SLC15A1: variants seen among roughly 807,000 people sequenced by gnomAD.
SLC15A1 encodes the protein solute carrier family 15 member 1.
In SLC15A1, 83 loss-of-function variants were observed where a neutral mutation model predicts 92.9. The ratio of observed to expected loss-of-function variants is 0.89; its 90% confidence interval spans 0.75 to 1.07. The LOEUF is 1.07. Ranked by LOEUF, SLC15A1 falls within the 50% of genes least tolerant of loss-of-function variation. The pLI is 0.00. For missense variants in SLC15A1, 857 were observed against 880.1 expected (o/e 0.97, Z 0.33); for synonymous variants, 322 against 318.2 (o/e 1.01, Z -0.13).
chr13:98,737,244 C>G (rs867705966), intron 1 of SLC15A1, among the ~76,000 whole-genome samples: 6 of 152,160 alleles, frequency 3.9e-5, no homozygotes, highest in Non-Finnish European at 8.8e-5. Flanking sequence ...GTCGCAAGGA[C>G]AGAAAACCAA....
chr13:98,740,394 T>C (rs2088434834), intron 1 of SLC15A1, among the ~76,000 whole-genome samples: 1 of 152,130 alleles, frequency 6.6e-6, no homozygotes, highest in East Asian at 1.9e-4. Context: ...TGCTCTCTCC[T>C]TCCTGCAGGT....
intron 6 of SLC15A1, 102 bp from the exon 7 acceptor site, chr13:98,721,687 C>G: frequency 7.7e-7 from 1 of 1,299,554 alleles, no homozygotes; most frequent in Non-Finnish European, 1.1e-6. Flanking sequence ...TGGTTGGTAT[C>G]TTACTTTCTA....
At chr13:98,719,175 A>G (rs1211870812) in intron 8 of SLC15A1, 62 bp downstream of exon 8, 6 of 1,203,990 alleles carry the variant, frequency 5.0e-6, no homozygotes, top group South Asian at 2.7e-5. Flanking sequence ...ATTAGTCACA[A>G]TCATTCACGT....
intron 18 of SLC15A1, among the ~76,000 whole-genome samples, chr13:98,692,979 T>C (rs1358752977): frequency 1.3e-5 from 2 of 151,440 alleles, no homozygotes; most frequent in East Asian, 3.9e-4. Flanking sequence ...GTTCAAGCAC[T>C]CAGCCCACCT....
chr13:98,719,793 T>C (rs1034944925), intron 7 of SLC15A1, among the ~76,000 whole-genome samples: 1 of 152,160 alleles, frequency 6.6e-6, no homozygotes, highest in African/African-American at 2.4e-5. Context: ...TTGTGAACCA[T>C]TGGTCTCTGT....
At chr13:98,724,766 C>A (rs2088286102) in intron 4 of SLC15A1, among the ~76,000 whole-genome samples, 1 of 152,196 alleles carries the variant, frequency 6.6e-6, no homozygotes, top group Non-Finnish European at 1.5e-5. Flanking sequence ...AGCCACCGCA[C>A]CCAGCCTATA....
chr13:98,742,315 T>C (rs1396400086), intron 1 of SLC15A1, among the ~76,000 whole-genome samples: 1 of 152,204 alleles, frequency 6.6e-6, no homozygotes, highest in Non-Finnish European at 1.5e-5. Context: ...ACAGGGCTGC[T>C]TTTCCCGCCT....
At chr13:98,685,788 C>T (rs1448167155) in intron 22 of SLC15A1, among the ~76,000 whole-genome samples, 1 of 152,086 alleles carries the variant, frequency 6.6e-6, no homozygotes, top group Non-Finnish European at 1.5e-5. Context: ...GAGATCGAGA[C>T]CATCCTGGCC....
At chr13:98,712,015 T>C (rs2088167755) in intron 10 of SLC15A1, 72 bp from the exon 11 acceptor site, 1 of 1,133,264 alleles carries the variant, frequency 8.8e-7, no homozygotes, top group African/African-American at 1.5e-5. Context: ...TTACAGGTGC[T>C]GCTGATTTCA....
intron 18 of SLC15A1, among the ~76,000 whole-genome samples, chr13:98,699,801 T>C (rs1376888317): frequency 3.3e-5 from 5 of 152,352 alleles, no homozygotes; most frequent in South Asian, 2.1e-4. Context: ...AAAACAATTA[T>C]TACAGCCACC....
In SLC15A1 at chr13:98,726,194, C is replaced by T. The variant is rs370610278; in HGVS notation, c.174G>A (p.Thr58=). The T allele has an allele frequency of 4.3e-6, 7 of 1,614,020 alleles. No individual in the cohort carries two copies. Among genetic ancestry groups the T allele is most frequent in the South Asian group, 3.3e-5 (3 of 91,052 alleles). The change falls in exon 4 of 23, where the codon ACG becomes ACA. Residue 58 remains threonine (T), a synonymous_variant. Coordinates refer to ENST00000376503, the MANE Select transcript of SLC15A1 (RefSeq NM_005073.4). The part of the protein sequence containing the change: ...DDNLSTAIYH[T]FVALCYLTPI... ...GCGTCAGGTAGCACAGAGCCACAAA[C>T]GTATGGTAGATGGCGGTGGACAGGT...
At chr13:98,731,593 G>T (rs1425696552) in intron 1 of SLC15A1, among the ~76,000 whole-genome samples, 1 of 152,138 alleles carries the variant, frequency 6.6e-6, no homozygotes, top group Non-Finnish European at 1.5e-5. Context: ...AGCAGAGAGA[G>T]CCCGGGGCTT....
At chr13:98,721,025 G>A (rs2088253031) in intron 7 of SLC15A1, 3 of 420,722 alleles carry the variant, frequency 7.1e-6, no homozygotes, top group South Asian at 1.8e-5. Context: ...GCGCTCCAGC[G>A]TGGGTGACAG....
chr13:98,744,286 G>T (rs1252124436), intron 1 of SLC15A1, among the ~76,000 whole-genome samples: 2 of 147,650 alleles, frequency 1.4e-5, no homozygotes, highest in Non-Finnish European at 3.0e-5. Flanking sequence ...TGGTCTTTTG[G>T]AGGGTTGTTT....
chr13:98,713,200 G>C (rs912902405), intron 9 of SLC15A1, among the ~76,000 whole-genome samples: 3 of 152,082 alleles, frequency 2.0e-5, no homozygotes, highest in African/African-American at 7.2e-5. Flanking sequence ...GGGACCACGG[G>C]TATGTACCAC....
intron 18 of SLC15A1, among the ~76,000 whole-genome samples, chr13:98,696,495 A>G (rs1312203953): frequency 6.6e-6 from 1 of 152,160 alleles, no homozygotes; most frequent in African/African-American, 2.4e-5. Context: ...GGATCCCCCA[A>G]TATCAATTGC....
At chr13:98,726,795 T>A (rs371295319) in intron 2 of SLC15A1, 48 bp downstream of exon 2, 1 of 1,584,588 alleles carries the variant, frequency 6.3e-7, no homozygotes, top group Non-Finnish European at 8.7e-7. Context: ...AAACAGATGA[T>A]AAAATTTACA....
intron 18 of SLC15A1, among the ~76,000 whole-genome samples, chr13:98,689,584 T>C (rs561573111): frequency 1.4e-4 from 21 of 152,324 alleles, no homozygotes; most frequent in Middle Eastern, 3.4e-3. Context: ...TAGCTGGGAC[T>C]ACAGGTGTGT....
intron 3 of SLC15A1, 44 bp from the exon 4 acceptor site, chr13:98,726,308 G>C (rs1343484468): frequency 5.0e-6 from 8 of 1,613,064 alleles, no homozygotes; most frequent in African/African-American, 2.7e-5. Flanking sequence ...AACAAAGTTA[G>C]GACTGGTTAT....
Sources: gnomAD v4.1 joint callset for allele counts (sites outside exome capture counted in the v4.1 genomes callset) on GRCh38, gnomAD v4.1.1 for gene constraint, MANE v1.5 for transcripts, NCBI Gene and HGNC (gene_info 2026-07-23, HGNC 2026-07-21) for gene names.